NALF1: variants seen among roughly 807,000 people sequenced by gnomAD.
NALF1 encodes family with sequence similarity 155 member A.
In NALF1, 3 loss-of-function variants were observed where a neutral mutation model predicts 48.4. The observed-to-expected ratio is 0.06, with a 90% CI of 0.03 to 0.16. The LOEUF is 0.16. NALF1 is among the 10% of genes least tolerant of loss of function. The pLI is 1.00. For missense variants in NALF1, 526 were observed against 571.5 expected (o/e 0.92, Z 0.81); for synonymous variants, 262 against 245.7 (o/e 1.07, Z -0.62).
intron 1 of NALF1, among the ~76,000 whole-genome samples, chr13:107,636,838 T>C (rs566304142): frequency 2.0e-5 from 3 of 150,710 alleles, no homozygotes; most frequent in South Asian, 4.2e-4. Flanking sequence ...ACCTGATCCA[T>C]TGATTTAATT....
intron 1 of NALF1, among the ~76,000 whole-genome samples, chr13:107,694,209 A>G (rs1285777663): frequency 6.6e-6 from 1 of 152,210 alleles, no homozygotes; most frequent in Non-Finnish European, 1.5e-5. Context: ...ATCCTACTCA[A>G]GTAAGGAGTT....
chr13:107,194,582 T>C (rs886370685), intron 2 of NALF1, among the ~76,000 whole-genome samples: 1 of 152,158 alleles, frequency 6.6e-6, no homozygotes, highest in Non-Finnish European at 1.5e-5. Context: ...TCAAGATGGA[T>C]CAAAGACTTA....
intron 1 of NALF1, among the ~76,000 whole-genome samples, chr13:107,480,598 C>A (rs1885239705): frequency 6.6e-6 from 1 of 152,108 alleles, no homozygotes; most frequent in South Asian, 2.1e-4. Context: ...ACAAAATCCC[C>A]CCAAAAAGTC....
chr13:107,659,143 A>ACACACACACG (rs1880663847), intron 1 of NALF1, among the ~76,000 whole-genome samples: 1 of 151,568 alleles, frequency 6.6e-6, no homozygotes, highest in Admixed American at 6.6e-5. Flanking sequence ...ACACACACAC[A>ACACACACACG]CGCACTCAAA....
chr13:107,221,531 G>C (rs1019971640), intron 1 of NALF1, among the ~76,000 whole-genome samples: 1 of 152,156 alleles, frequency 6.6e-6, no homozygotes, highest in African/African-American at 2.4e-5. Flanking sequence ...AGGGAGCCAA[G>C]ACTGCACCAT....
At chr13:107,312,513 T>TATAC (rs1158419151) in intron 1 of NALF1, among the ~76,000 whole-genome samples, 1 of 152,090 alleles carries the variant, frequency 6.6e-6, no homozygotes, top group Non-Finnish European at 1.5e-5. Context: ...ATGGCACATG[T>TATAC]ATACATATGT....
At chr13:107,204,196 C>A (rs1046495989) in intron 2 of NALF1, among the ~76,000 whole-genome samples, 1 of 152,138 alleles carries the variant, frequency 6.6e-6, no homozygotes, top group Admixed American at 6.5e-5. Context: ...CCCTGCTCTC[C>A]AACAAGTGTC....
intron 1 of NALF1, among the ~76,000 whole-genome samples, chr13:107,854,668 T>C (rs1385006729): frequency 1.3e-5 from 2 of 152,016 alleles, no homozygotes; most frequent in Non-Finnish European, 2.9e-5. Flanking sequence ...GTCCAGAGAT[T>C]GATACCATCC....
chr13:107,279,044 T>TTC (rs569596186), intron 1 of NALF1, among the ~76,000 whole-genome samples: 5 of 29,892 alleles, frequency 1.7e-4, no homozygotes, highest in African/African-American at 2.8e-4. Flanking sequence ...TCTTTTCTTC[T>TTC]TTTTTTTTTT....
chr13:107,338,827 A>T (rs1258995447), intron 1 of NALF1, among the ~76,000 whole-genome samples: 2 of 152,166 alleles, frequency 1.3e-5, no homozygotes, highest in East Asian at 1.9e-4. Context: ...GTGCAAAACA[A>T]TTCTAAAAAA....
intron 1 of NALF1, among the ~76,000 whole-genome samples, chr13:107,663,334 T>A (rs921446797): frequency 1.3e-5 from 2 of 152,138 alleles, no homozygotes; most frequent in Non-Finnish European, 2.9e-5. Context: ...AATAGAAAAC[T>A]AATGAAATAG....
Position 107,598,395 on chromosome 13 carries a change from G to A in NALF1, c.915+267287C>T, listed in dbSNP as rs149369184. On this transcript the variant is annotated intron_variant, in intron 1 of 2. Coordinates refer to ENST00000375915, the MANE Select transcript of NALF1 (RefSeq NM_001080396.3). ...TTTTTAAGTAATCACTGTCAGTCCCGTAGTTTTAAAATAATTTATAGACTG... is the reference window on the plus strand; with the variant it reads ...TTTTTAAGTAATCACTGTCAGTCCCATAGTTTTAAAATAATTTATAGACTG... Among the ~76,000 whole-genome samples the A allele has an allele frequency of 7.4e-4, 112 of 152,214 alleles. 2 individuals are homozygous for A. Among genetic ancestry groups the A allele is most frequent in the Non-Finnish European group, 1.4e-3 (94 of 68,004 alleles).
intron 1 of NALF1, among the ~76,000 whole-genome samples, chr13:107,803,151 A>G (rs1878672141): frequency 1.3e-5 from 2 of 152,208 alleles, no homozygotes; most frequent in African/African-American, 4.8e-5. Flanking sequence ...CATGAAAGAA[A>G]TGGCCCTGCC....
chr13:107,627,729 C>T (rs2138445793), intron 1 of NALF1, among the ~76,000 whole-genome samples: 1 of 152,154 alleles, frequency 6.6e-6, no homozygotes, highest in East Asian at 1.9e-4. Flanking sequence ...ACCCTGTCAT[C>T]CCATAGGCTA....
intron 1 of NALF1, among the ~76,000 whole-genome samples, chr13:107,728,674 A>T (rs1876226815): frequency 6.6e-6 from 1 of 151,106 alleles, no homozygotes; most frequent in Admixed American, 6.7e-5. Context: ...CGTTCTGCGC[A>T]TGTATCCCAG....
chr13:107,327,009 A>G (rs1051357853), intron 1 of NALF1, among the ~76,000 whole-genome samples: 6 of 152,328 alleles, frequency 3.9e-5, no homozygotes, highest in Middle Eastern at 3.4e-3. Context: ...ATCCTGTCAC[A>G]AGAATGCCTA....
chr13:107,400,048 C>T (rs1021016334), intron 1 of NALF1, among the ~76,000 whole-genome samples: 5 of 152,000 alleles, frequency 3.3e-5, no homozygotes, highest in African/African-American at 1.2e-4. Flanking sequence ...AATTGTCTTC[C>T]ATGACATTAA....
At chr13:107,656,326 T>A (rs993432618) in intron 1 of NALF1, among the ~76,000 whole-genome samples, 3 of 151,242 alleles carry the variant, frequency 2.0e-5, no homozygotes, top group Non-Finnish European at 3.0e-5. Context: ...CCACAAACAA[T>A]CCCATCAAAA....
chr13:107,642,801 C>A (rs1243051127), intron 1 of NALF1, among the ~76,000 whole-genome samples: 1 of 152,158 alleles, frequency 6.6e-6, no homozygotes, highest in Non-Finnish European at 1.5e-5. Flanking sequence ...TGAACAAATG[C>A]CTTAATCATT....
Sources: allele counts gnomAD v4.1 joint callset (sites outside exome capture counted in the v4.1 genomes callset), GRCh38; gene constraint gnomAD v4.1.1; transcripts MANE v1.5; gene names NCBI Gene and HGNC (gene_info 2026-07-23, HGNC 2026-07-21).